The following UBE2R2 variants were observed in gnomAD, a reference collection of about 807,000 sequenced individuals.
The protein encoded by UBE2R2 is ubiquitin conjugating enzyme E2 R2.
Under a neutral mutation model 27.8 loss-of-function variants are expected in UBE2R2, and 1 was observed. The observed-to-expected ratio is 0.04, with a 90% CI of 0.01 to 0.17. The LOEUF (loss-of-function observed/expected upper bound fraction) is 0.17. Among genes scored for constraint, UBE2R2 ranks in the 10% least tolerant of loss-of-function variants. The pLI is 1.00. For synonymous variants in UBE2R2, 106 were observed against 113.3 expected (o/e 0.94, Z 0.41); for missense variants, 100 against 291.0 (o/e 0.34, Z 4.78).
intron 1 of UBE2R2, among the ~76,000 whole-genome samples, chr9:33,842,727 C>T (rs2130741597): frequency 6.6e-6 from 1 of 152,162 alleles, no homozygotes; most frequent in East Asian, 1.9e-4. Flanking sequence ...TGCTTTTTAG[C>T]ATGCCATTGT....
At chr9:33,875,728 G>A (rs1821588696) in intron 1 of UBE2R2, among the ~76,000 whole-genome samples, 2 of 152,278 alleles carry the variant, frequency 1.3e-5, no homozygotes, top group South Asian at 4.1e-4. Flanking sequence ...AAGGTCAGAG[G>A]CCTAGCAAAG....
intron 2 of UBE2R2, among the ~76,000 whole-genome samples, chr9:33,899,254 C>T (rs1822191976): frequency 6.6e-6 from 1 of 152,116 alleles, no homozygotes; most frequent in East Asian, 1.9e-4. Context: ...GTTGCCCAGG[C>T]CGGAGCACTA....
rs369566351 is a variant in UBE2R2, at chr9:33,821,909, A to G, written c.177+3975A>G. On this transcript the variant is annotated intron_variant, in intron 1 of 4. Coordinates refer to ENST00000263228, the MANE Select transcript of UBE2R2 (RefSeq NM_017811.4). The stretch of plus-strand genomic sequence containing the variant: ...GTAATCCTAATTAGAGGCCTGAGCC[A>G]CCACTCCTGGCCAACCTTTTATAGT... 7.1e-4 allele frequency among the ~76,000 whole-genome samples: 108 copies of G among 152,228 alleles called. 1 individual carries two copies. In the South Asian group the frequency reaches 0.022, roughly 31 times the overall value.
intron 1 of UBE2R2, among the ~76,000 whole-genome samples, chr9:33,879,658 C>T (rs1204684116): frequency 6.6e-6 from 1 of 151,258 alleles, no homozygotes; most frequent in Non-Finnish European, 1.5e-5. Context: ...TCACCATTTG[C>T]CCAGACTAGT....
intron 1 of UBE2R2, among the ~76,000 whole-genome samples, chr9:33,838,249 T>TA (rs1413300230): frequency 6.7e-6 from 1 of 149,466 alleles, no homozygotes; most frequent in African/African-American, 2.4e-5. Flanking sequence ...TATTATTTTT[T>TA]ATTGCTTTTT....
chr9:33,827,665 A>T lies in UBE2R2; in HGVS notation c.177+9731A>T, dbSNP rs529153897. ...TAAAAAAAAAAATTAATTAATTAAT[A>T]AAATTAAATTAAAAATTAAATCAGG... On this transcript the variant is annotated intron_variant, in intron 1 of 4. Transcript: ENST00000263228. 1.7e-4 allele frequency among the ~76,000 whole-genome samples: 26 copies of T among 152,078 alleles called. No homozygotes were observed. In the East Asian group the frequency reaches 4.8e-3, roughly 28 times the overall value.
chr9:33,903,035 G>T (rs759407574), intron 3 of UBE2R2, among the ~76,000 whole-genome samples: 17 of 151,976 alleles, frequency 1.1e-4, no homozygotes, highest in Admixed American at 9.2e-4. Context: ...GGAGGCGGAG[G>T]TTGCGGTGAG....
intron 1 of UBE2R2, among the ~76,000 whole-genome samples, chr9:33,885,045 C>G (rs1183299154): frequency 6.6e-6 from 1 of 152,182 alleles, no homozygotes; most frequent in Non-Finnish European, 1.5e-5. Flanking sequence ...CCTTGGTTTT[C>G]TAGAACCAGT....
intron 1 of UBE2R2, among the ~76,000 whole-genome samples, chr9:33,886,529 C>T (rs904859849): frequency 4.6e-5 from 7 of 151,922 alleles, no homozygotes; most frequent in Non-Finnish European, 1.0e-4. Flanking sequence ...GTGGCGTGCA[C>T]CTGTAGTCCC....
At chr9:33,907,606 C>T (rs1257606288) in intron 3 of UBE2R2, among the ~76,000 whole-genome samples, 2 of 151,956 alleles carry the variant, frequency 1.3e-5, no homozygotes, top group African/African-American at 2.4e-5. Context: ...GGGTGGTGCA[C>T]CAGTGTGTTC....
intron 2 of UBE2R2, among the ~76,000 whole-genome samples, chr9:33,891,223 G>A (rs1021250912): frequency 6.6e-6 from 1 of 151,620 alleles, no homozygotes; most frequent in African/African-American, 2.4e-5. Context: ...TGTATTTTTA[G>A]TAGAGACGCC....
chr9:33,829,279 T>A (rs1587427168), intron 1 of UBE2R2, among the ~76,000 whole-genome samples: 2 of 152,218 alleles, frequency 1.3e-5, no homozygotes, highest in Non-Finnish European at 2.9e-5. Context: ...GCAAATTGAT[T>A]TCTTTAATAG....
intron 2 of UBE2R2, among the ~76,000 whole-genome samples, chr9:33,890,217 G>A (rs1821949012): frequency 6.6e-6 from 1 of 151,962 alleles, no homozygotes; most frequent in Non-Finnish European, 1.5e-5. Flanking sequence ...TATTCATAAT[G>A]AATTTTTCTA....
chr9:33,859,451 T>C (rs2130764551), intron 1 of UBE2R2, among the ~76,000 whole-genome samples: 1 of 152,324 alleles, frequency 6.6e-6, no homozygotes, highest in East Asian at 1.9e-4. Context: ...TGTTTTAACA[T>C]AGTAGGTCAT....
At chr9:33,915,163 G>A (rs376851512) in intron 4 of UBE2R2, among the ~76,000 whole-genome samples, 7 of 151,936 alleles carry the variant, frequency 4.6e-5, no homozygotes, top group Admixed American at 4.6e-4. Flanking sequence ...GTTGGCCAGG[G>A]GACCAACATG....
At chr9:33,845,207 G>T (rs1820817252) in intron 1 of UBE2R2, among the ~76,000 whole-genome samples, 2 of 150,924 alleles carry the variant, frequency 1.3e-5, no homozygotes, top group South Asian at 2.1e-4. Context: ...TTTTGAGACG[G>T]AGTTTCACTC....
intron 2 of UBE2R2, among the ~76,000 whole-genome samples, chr9:33,887,927 G>A (rs10814053): frequency 0.27 from 40,426 of 152,020 alleles, 5,561 homozygotes; most frequent in South Asian, 0.41. Flanking sequence ...CACCCACCTC[G>A]GCCTCCCAAA....
intron 3 of UBE2R2, among the ~76,000 whole-genome samples, chr9:33,909,763 C>T (rs146993456): frequency 1.3e-5 from 2 of 152,182 alleles, no homozygotes; most frequent in African/African-American, 4.8e-5. Flanking sequence ...ATCCAGAAAG[C>T]TCTTGAGGGA....
chr9:33,880,924 C>T (rs1328225220), intron 1 of UBE2R2, among the ~76,000 whole-genome samples: 2 of 152,188 alleles, frequency 1.3e-5, no homozygotes, highest in Admixed American at 6.5e-5. Context: ...CTCCTCCGCC[C>T]TCTTGTCCAT....
Sources: allele counts gnomAD v4.1 joint callset (sites outside exome capture counted in the v4.1 genomes callset), GRCh38; gene constraint gnomAD v4.1.1; transcripts MANE v1.5; gene names NCBI Gene and HGNC (gene_info 2026-07-23, HGNC 2026-07-21).